The following DACH1 variants were observed in gnomAD, a reference collection of about 807,000 sequenced individuals.
DACH1 encodes dachshund homolog 1.
DACH1 carries 12 observed loss-of-function variants against 54.2 expected under a neutral mutation model. The ratio of observed to expected loss-of-function variants is 0.22; its 90% CI spans 0.14 to 0.36. DACH1 has a LOEUF of 0.36. Ranked by LOEUF, DACH1 falls within the 10% of genes least tolerant of loss-of-function variation. The pLI is 1.00. For missense variants in DACH1, 805 were observed against 929.8 expected, an observed-to-expected ratio of 0.87 and a Z score of 1.75; for synonymous variants, 386 against 366.2, an observed-to-expected ratio of 1.05 and a Z score of -0.62.
intron 2 of DACH1, among the ~76,000 whole-genome samples, chr13:71,634,957 G>T (rs372007978): frequency 3.4e-4 from 51 of 152,166 alleles, no homozygotes; most frequent in African/African-American, 1.2e-3. Context: ...CTCTTTTCTG[G>T]GGGCTGGGGC....
chr13:71,786,488 C>T (rs1340974197), intron 1 of DACH1, among the ~76,000 whole-genome samples: 3 of 151,926 alleles, frequency 2.0e-5, no homozygotes, highest in Non-Finnish European at 2.9e-5. Context: ...AACCCTATTG[C>T]TTACATGTTC....
At position 71,440,587 on chromosome 13, in the gene DACH1, C is replaced by A; in HGVS notation, c.*68G>T. 7.7e-7 allele frequency: 1 copy of A among 1,302,162 alleles called. No individual in the cohort carries two copies. The highest frequency in any genetic ancestry group is 1.1e-6 in the Non-Finnish European group (1 of 933,032). The allele number at this position is 1,302,162 out of a possible 1,614,324, so 80.7% of individuals were successfully genotyped here. A position where few individuals can be genotyped will look rare whatever the true frequency, so the allele number is the denominator to read the frequency against. ...TAAAAGGACTTTATTTTTTTCTGAACTTTCCCATGACGAATGTCTGACTGC... is the reference window on the plus strand; with the variant it reads ...TAAAAGGACTTTATTTTTTTCTGAAATTTCCCATGACGAATGTCTGACTGC... On this transcript the variant is annotated 3_prime_UTR_variant, in exon 11 of 11. Coordinates refer to ENST00000613252, the MANE Select transcript of DACH1 (RefSeq NM_080759.6).
At chr13:71,518,539 T>C (rs976617279) in intron 6 of DACH1, among the ~76,000 whole-genome samples, 43 of 151,938 alleles carry the variant, frequency 2.8e-4, no homozygotes, top group African/African-American at 1.0e-3. Context: ...GTGTCTTTTA[T>C]AGCAATTCCA....
chr13:71,620,635 T>G (rs1876162287), intron 3 of DACH1, among the ~76,000 whole-genome samples: 1 of 152,002 alleles, frequency 6.6e-6, no homozygotes, highest in Admixed American at 6.6e-5. Context: ...GTTTATTAAT[T>G]TACATATACT....
intron 3 of DACH1, among the ~76,000 whole-genome samples, chr13:71,622,129 G>A (rs375957651): frequency 7.2e-5 from 11 of 151,824 alleles, no homozygotes; most frequent in South Asian, 6.2e-4. Context: ...ATTTATTATC[G>A]CTTAGTTTCA....
chr13:71,717,136 A>C (rs1883011198), intron 1 of DACH1, among the ~76,000 whole-genome samples: 1 of 152,284 alleles, frequency 6.6e-6, no homozygotes, highest in South Asian at 2.1e-4. Flanking sequence ...TATTATGTAC[A>C]CACCTACAAA....
At chr13:71,733,161 T>G (rs972345903) in intron 1 of DACH1, among the ~76,000 whole-genome samples, 1 of 152,210 alleles carries the variant, frequency 6.6e-6, no homozygotes, top group African/African-American at 2.4e-5. Flanking sequence ...ATTTGGGGGT[T>G]TTTTGGTTAT....
chr13:71,615,348 G>A (rs1462438824), intron 3 of DACH1, among the ~76,000 whole-genome samples: 1 of 152,070 alleles, frequency 6.6e-6, no homozygotes, highest in Non-Finnish European at 1.5e-5. Context: ...CTGTTCTTCG[G>A]TAAATCCCAG....
At chr13:71,778,396 A>T (rs1471181184) in intron 1 of DACH1, among the ~76,000 whole-genome samples, 1 of 151,998 alleles carries the variant, frequency 6.6e-6, no homozygotes, top group Non-Finnish European at 1.5e-5. Context: ...AGTAAATGTT[A>T]GAGGAATAAA....
intron 2 of DACH1, among the ~76,000 whole-genome samples, chr13:71,679,549 A>C (rs951617538): frequency 6.6e-6 from 1 of 152,128 alleles, no homozygotes; most frequent in African/African-American, 2.4e-5. Flanking sequence ...AGTCAACACA[A>C]GTTTACTAAA....
chr13:71,485,162 A>C (rs1878377007), intron 7 of DACH1, among the ~76,000 whole-genome samples: 1 of 152,070 alleles, frequency 6.6e-6, no homozygotes, highest in Non-Finnish European at 1.5e-5. Flanking sequence ...CTGATACTAA[A>C]ATTTTAGTCT....
At chr13:71,517,073 G>C (rs972929844) in intron 6 of DACH1, among the ~76,000 whole-genome samples, 1 of 151,646 alleles carries the variant, frequency 6.6e-6, no homozygotes, top group Admixed American at 6.6e-5. Context: ...TGTCTACAAA[G>C]TTTCTCTTCT....
At chr13:71,549,369 C>G (rs1054249236) in intron 6 of DACH1, among the ~76,000 whole-genome samples, 1 of 151,948 alleles carries the variant, frequency 6.6e-6, no homozygotes, top group African/African-American at 2.4e-5. Context: ...CTACACCTAC[C>G]GTATTAAGAA....
At chr13:71,589,609 CA>C (rs1435795532) in intron 3 of DACH1, among the ~76,000 whole-genome samples, 1 of 151,858 alleles carries the variant, frequency 6.6e-6, no homozygotes, top group African/African-American at 2.4e-5. Flanking sequence ...CATGGTTACA[CA>C]ACTCCTTAAT....
intron 6 of DACH1, among the ~76,000 whole-genome samples, chr13:71,508,053 GTTTTCT>G (rs1880472250): frequency 6.6e-6 from 1 of 151,984 alleles, no homozygotes; most frequent in Non-Finnish European, 1.5e-5. Flanking sequence ...TTGCACTCAT[GTTTTCT>G]AAGAAATTAT....
At chr13:71,574,444 G>A (rs1038532574) in intron 3 of DACH1, among the ~76,000 whole-genome samples, 1 of 151,902 alleles carries the variant, frequency 6.6e-6, no homozygotes, top group South Asian at 2.1e-4. Context: ...CATATAATAT[G>A]CATAGAAACA....
At chr13:71,539,943 G>T (rs973725223) in intron 6 of DACH1, among the ~76,000 whole-genome samples, 8 of 151,894 alleles carry the variant, frequency 5.3e-5, no homozygotes, top group African/African-American at 1.7e-4. Flanking sequence ...AAATAAAGAT[G>T]ATTTAAAAGA....
intron 1 of DACH1, among the ~76,000 whole-genome samples, chr13:71,844,479 T>C (rs1409110184): frequency 6.6e-6 from 1 of 152,196 alleles, no homozygotes; most frequent in Non-Finnish European, 1.5e-5. Flanking sequence ...AGGGGAGGCA[T>C]TGCTAAATAT....
At chr13:71,691,931 G>A (rs1398269671) in intron 1 of DACH1, among the ~76,000 whole-genome samples, 2 of 151,832 alleles carry the variant, frequency 1.3e-5, no homozygotes, top group Non-Finnish European at 2.9e-5. Context: ...GATGAGGTAT[G>A]AGCAAGCAGG....
Sources: allele counts gnomAD v4.1 joint callset (sites outside exome capture counted in the v4.1 genomes callset), GRCh38; gene constraint gnomAD v4.1.1; transcripts MANE v1.5; gene names NCBI Gene and HGNC (gene_info 2026-07-23, HGNC 2026-07-21).